Variants in TCF12 observed in about 807,000 individuals in gnomAD.
TCF12 encodes the protein transcription factor 12.
Under a neutral mutation model 86.0 loss-of-function variants are expected in TCF12, and 45 were observed. That is an observed-to-expected ratio of 0.52 (90% CI 0.41 to 0.67). TCF12 has a LOEUF of 0.67. Ranked by LOEUF, TCF12 falls within the 30% of genes least tolerant of loss-of-function variation. The pLI is 0.00. For synonymous variants in TCF12, 330 were observed against 299.6 expected, an observed-to-expected ratio of 1.10 and a Z score of -1.05; for missense variants, 881 against 859.9, an observed-to-expected ratio of 1.02 and a Z score of -0.31.
At chr15:56,952,189 T>TATACACACAC (rs76965825) in intron 3 of TCF12, among the ~76,000 whole-genome samples, 1 of 150,284 alleles carries the variant, frequency 6.7e-6, no homozygotes, top group African/African-American at 2.4e-5. Flanking sequence ...TTTGTGTATA[T>TATACACACAC]ACACACACAC....
At chr15:56,928,582 A>G (rs2060115811) in intron 3 of TCF12, among the ~76,000 whole-genome samples, 1 of 152,192 alleles carries the variant, frequency 6.6e-6, no homozygotes, top group Non-Finnish European at 1.5e-5. Flanking sequence ...CAGGCATACA[A>G]GTAGTTTTGA....
intron 3 of TCF12, among the ~76,000 whole-genome samples, chr15:57,047,966 A>G (rs1339148001): frequency 6.6e-6 from 1 of 151,188 alleles, no homozygotes; most frequent in Non-Finnish European, 1.5e-5. Context: ...GTTGTAACAC[A>G]GTGATGAGTA....
intron 13 of TCF12, among the ~76,000 whole-genome samples, chr15:57,249,375 A>G (rs1314865654): frequency 6.6e-6 from 1 of 151,372 alleles, no homozygotes; most frequent in Non-Finnish European, 1.5e-5. Context: ...GAAGCCTTTA[A>G]TGGTCCTTAA....
intron 8 of TCF12, among the ~76,000 whole-genome samples, chr15:57,209,525 A>C (rs1433616091): frequency 1.3e-5 from 2 of 152,222 alleles, no homozygotes; most frequent in African/African-American, 4.8e-5. Flanking sequence ...GGACAGTCTT[A>C]TATTTCTCTT....
At chr15:57,192,068 A>C (rs1387096180) in intron 6 of TCF12, 90 bp from the exon 7 acceptor site, 3 of 1,462,794 alleles carry the variant, frequency 2.1e-6, no homozygotes, top group Non-Finnish European at 1.9e-6. Context: ...GACATTGCTG[A>C]AGTTGTAAAT....
chr15:56,923,444 T>A (rs2059879156), intron 3 of TCF12, among the ~76,000 whole-genome samples: 1 of 152,130 alleles, frequency 6.6e-6, no homozygotes, highest in Non-Finnish European at 1.5e-5. Context: ...TTCATCAGGG[T>A]GTTAAAATTT....
At chr15:57,171,142 GAGA>G (rs1567561090) in intron 6 of TCF12, among the ~76,000 whole-genome samples, 1 of 151,692 alleles carries the variant, frequency 6.6e-6, no homozygotes, top group Non-Finnish European at 1.5e-5. Flanking sequence ...CTATGGAAAA[GAGA>G]AGAACAAGGC....
intron 3 of TCF12, among the ~76,000 whole-genome samples, chr15:56,933,026 T>C (rs867130816): frequency 6.6e-6 from 1 of 152,208 alleles, no homozygotes; most frequent in Non-Finnish European, 1.5e-5. Flanking sequence ...CTTTAGACTT[T>C]GTGAGTTGGG....
At chr15:56,987,345 C>T (rs1401585486) in intron 3 of TCF12, among the ~76,000 whole-genome samples, 1 of 152,118 alleles carries the variant, frequency 6.6e-6, no homozygotes, top group Non-Finnish European at 1.5e-5. Context: ...GAACTTCTGA[C>T]CTCAGGTGAT....
rs141664232 is a variant in TCF12, at chr15:56,976,978, C to T, written c.148+55880C>T. 4.1e-3 allele frequency among the ~76,000 whole-genome samples: 621 copies of T among 152,196 alleles called. 7 individuals are homozygous for T. The highest frequency in any genetic ancestry group is 0.021 in the Admixed American group (319 of 15,288). ...TTTAGATCCTCATTTGCACTAGCCA[C>T]ATTTCAAGTGCTCAATAGCTATATG... is the stretch of plus-strand genomic sequence containing the variant. On this transcript the variant is annotated intron_variant, in intron 3 of 20. Coordinates refer to ENST00000333725, the MANE Select transcript of TCF12 (RefSeq NM_207037.2).
At chr15:56,940,753 CCTTCTCCTT>C (rs1377306896) in intron 3 of TCF12, among the ~76,000 whole-genome samples, 3 of 128,742 alleles carry the variant, frequency 2.3e-5, no homozygotes. Context: ...TCCTCCTTCT[CCTTCTCCTT>C]CTCCTTCTTC....
intron 1 of TCF12, chr15:56,919,684 CGG>C: frequency 2.5e-6 from 1 of 398,482 alleles, no homozygotes; most frequent in Non-Finnish European, 4.6e-6. Flanking sequence ...TCTCGGGCCG[CGG>C]CGAGGAACGC....
In TCF12 at chr15:57,192,139, C is replaced by T. The variant is rs1186837033; in HGVS notation, c.391-19C>T. 6.2e-7 allele frequency: 1 copy of T among 1,611,412 alleles called. No homozygotes were observed. The highest frequency in any genetic ancestry group is 8.5e-7 in the Non-Finnish European group (1 of 1,179,398). On this transcript the variant is annotated intron_variant, in intron 6 of 20. Transcript: ENST00000333725. Reference sequence around the variant, plus strand: ...GTATCAGCAGGAAAATAACTTGTTTCCTTGGCCTTATTTTATAGTCTAGTC... The same window carrying T: ...GTATCAGCAGGAAAATAACTTGTTTTCTTGGCCTTATTTTATAGTCTAGTC...
chr15:57,235,444 G>T (rs2059341252), intron 12 of TCF12, among the ~76,000 whole-genome samples: 2 of 152,126 alleles, frequency 1.3e-5, no homozygotes, highest in Non-Finnish European at 2.9e-5. Flanking sequence ...TTAGAACCCT[G>T]ATCAGACCAG....
chr15:57,152,367 A>C (rs1295665676), intron 5 of TCF12, among the ~76,000 whole-genome samples: 1 of 152,248 alleles, frequency 6.6e-6, no homozygotes, highest in African/African-American at 2.4e-5. Flanking sequence ...TCGAGGCAAA[A>C]CAGTTAACAA....
Position 57,286,447 on chromosome 15 carries a change from C to A in TCF12, c.*302C>A. 1 of 352,336 alleles carries A rather than the reference C, an allele frequency of 2.8e-6. No homozygotes were observed. The highest frequency in any genetic ancestry group is 5.6e-6 in the Non-Finnish European group (1 of 178,248). 21.8% of individuals were successfully genotyped at this position (352,336 alleles called of 1,614,324 possible). On this transcript the variant is annotated 3_prime_UTR_variant, in exon 21 of 21. Transcript: ENST00000333725. ...CAATCAGAGACTGTCTCGATCTCTC[C>A]ACTCACCGTGGAAGTTGCCTTGTGC...
intron 3 of TCF12, among the ~76,000 whole-genome samples, chr15:56,962,753 T>C (rs1187803921): frequency 6.6e-6 from 1 of 152,200 alleles, no homozygotes; most frequent in Non-Finnish European, 1.5e-5. Context: ...GAGACATCTT[T>C]ATGTCTCTTT....
intron 5 of TCF12, among the ~76,000 whole-genome samples, chr15:57,127,722 CTCTT>C (rs1217280683): frequency 6.6e-6 from 1 of 152,158 alleles, no homozygotes; most frequent in Non-Finnish European, 1.5e-5. Flanking sequence ...ATACAGAGAA[CTCTT>C]TCTAGAGGTT....
At chr15:57,154,616 G>C (rs1325220011) in intron 5 of TCF12, among the ~76,000 whole-genome samples, 1 of 151,998 alleles carries the variant, frequency 6.6e-6, no homozygotes, top group Non-Finnish European at 1.5e-5. Flanking sequence ...TTTCTTTGGT[G>C]AATCTTTGTT....
Sources: allele counts gnomAD v4.1 joint callset (sites outside exome capture counted in the v4.1 genomes callset), GRCh38; gene constraint gnomAD v4.1.1; transcripts MANE v1.5; gene names NCBI Gene and HGNC (gene_info 2026-07-23, HGNC 2026-07-21).